Variants in ADK observed in about 807,000 individuals in gnomAD.
ADK encodes the protein N6,N6-dimethyladenosine kinase.
A neutral mutation model predicts 44.7 loss-of-function variants in ADK; 24 were observed. That is an observed-to-expected ratio of 0.54 (90% CI 0.39 to 0.76). ADK has a LOEUF of 0.76. Ranked by LOEUF, ADK falls within the 30% of genes least tolerant of loss-of-function variation. The pLI is 0.00. For missense variants in ADK, 321 were observed against 425.1 expected, an observed-to-expected ratio of 0.76 and a Z score of 2.15; for synonymous variants, 128 against 142.6, an observed-to-expected ratio of 0.90 and a Z score of 0.73.
chr10:74,529,310 G>A (rs1377045759), intron 7 of ADK: 1 of 152,072 alleles, frequency 6.6e-6, no homozygotes, highest in Non-Finnish European at 1.5e-5. Context: ...ATCTAGAATA[G>A]GCAAATTCAT....
At chr10:74,415,185 T>A (rs1434821621) in intron 6 of ADK, among the ~76,000 whole-genome samples, 1 of 152,196 alleles carries the variant, frequency 6.6e-6, no homozygotes, top group Admixed American at 6.5e-5. Context: ...AATAAGCATA[T>A]GTATAGCATT....
At position 74,567,024 on chromosome 10, in the gene ADK, G is replaced by C. The variant is rs1477802340; in HGVS notation, c.727-22258G>C. ...GAAAAGACTTTAGAAAGTGTTATTA[G>C]CCTCTCATTTTTTAAAAACAGTTTG... On this transcript the variant is annotated intron_variant, in intron 7 of 10. Transcript: ENST00000539909. Among the ~76,000 whole-genome samples the C allele has an allele frequency of 4.6e-5, 7 of 152,232 alleles. No individual in the cohort carries two copies. In the East Asian group the frequency reaches 1.4e-3, roughly 29 times the overall value.
chr10:74,649,088 G>A (rs1262376579), intron 9 of ADK, among the ~76,000 whole-genome samples: 3 of 152,004 alleles, frequency 2.0e-5, no homozygotes, highest in Non-Finnish European at 4.4e-5. Flanking sequence ...GGCTGAGGCA[G>A]GAGAATCACT....
At chr10:74,299,419 G>T (rs776040518) in intron 3 of ADK, among the ~76,000 whole-genome samples, 51 of 148,242 alleles carry the variant, frequency 3.4e-4, no homozygotes, top group Non-Finnish European at 5.3e-4. Flanking sequence ...AGAACTGCTC[G>T]AACCTGGGAG....
In ADK at chr10:74,170,673, A is replaced by G. The variant is rs1453033498; in HGVS notation, c.65+19330A>G. On this transcript the variant is annotated intron_variant, in intron 1 of 10. Coordinates refer to ENST00000539909, the MANE Select transcript of ADK (RefSeq NM_006721.4). ...AAATTTGCCGGGCGTGGTGGCGGGC[A>G]CCTGTAGTCCCAGCTACTCGGGAGG... is the stretch of plus-strand genomic sequence containing the variant. Among the ~76,000 whole-genome samples, 4 of 151,492 alleles carry G rather than the reference A, an allele frequency of 2.6e-5. No homozygotes were observed. In the East Asian group the frequency reaches 7.8e-4, roughly 29 times the overall value.
intron 3 of ADK, among the ~76,000 whole-genome samples, chr10:74,303,596 T>TG (rs1840147851): frequency 7.6e-6 from 1 of 132,300 alleles, no homozygotes; most frequent in East Asian, 2.2e-4. Flanking sequence ...TTGTTTTTTT[T>TG]TTTTTTTTTT....
intron 4 of ADK, among the ~76,000 whole-genome samples, chr10:74,364,827 T>C (rs1469417385): frequency 6.6e-6 from 1 of 152,060 alleles, no homozygotes; most frequent in African/African-American, 2.4e-5. Context: ...TTCTCTTTTA[T>C]CTTCCTGGGA....
At chr10:74,442,846 A>G (rs571743462) in intron 6 of ADK, among the ~76,000 whole-genome samples, 3 of 152,268 alleles carry the variant, frequency 2.0e-5, no homozygotes, top group East Asian at 3.9e-4. Context: ...AAAGAAGGAA[A>G]TCCTGCCATT....
At chr10:74,590,880 C>T (rs1308552540) in intron 8 of ADK, among the ~76,000 whole-genome samples, 2 of 151,880 alleles carry the variant, frequency 1.3e-5, no homozygotes, top group Non-Finnish European at 2.9e-5. Flanking sequence ...TTTAATATTA[C>T]AAAAATTATA....
chr10:74,391,650 TATACACAC>T (rs747025740), intron 4 of ADK, among the ~76,000 whole-genome samples: 3,219 of 134,548 alleles, frequency 0.024, 40 homozygotes, highest in Middle Eastern at 0.03. Context: ...GAGGCAAGAA[TATACACAC>T]ACACACACAC....
intron 1 of ADK, among the ~76,000 whole-genome samples, chr10:74,162,166 G>T (rs1019408707): frequency 6.6e-6 from 1 of 151,756 alleles, no homozygotes; most frequent in Non-Finnish European, 1.5e-5. Context: ...GGTTACAGGT[G>T]CCCGCCACCA....
intron 4 of ADK, among the ~76,000 whole-genome samples, chr10:74,388,307 T>C (rs1398004951): frequency 1.3e-5 from 2 of 152,226 alleles, no homozygotes; most frequent in African/African-American, 4.8e-5. Context: ...AGTGTTAGTT[T>C]TTCTCACACC....
At chr10:74,315,753 A>G (rs908966935) in intron 4 of ADK, among the ~76,000 whole-genome samples, 2 of 152,248 alleles carry the variant, frequency 1.3e-5, no homozygotes, top group Admixed American at 1.3e-4. Context: ...TGATTGAGAC[A>G]TATAGTATGA....
At chr10:74,210,524 T>G (rs1274831472) in intron 2 of ADK, among the ~76,000 whole-genome samples, 1 of 152,030 alleles carries the variant, frequency 6.6e-6, no homozygotes, top group Non-Finnish European at 1.5e-5. Context: ...GCTGTGGTGG[T>G]GCTTGCCTGT....
intron 6 of ADK, among the ~76,000 whole-genome samples, chr10:74,493,337 C>A (rs1383706988): frequency 6.7e-6 from 1 of 150,262 alleles, no homozygotes; most frequent in Non-Finnish European, 1.5e-5. Flanking sequence ...TGTGCACCAA[C>A]ACACCCAGCA....
chr10:74,151,248 T>A lies in ADK; in HGVS notation c.-31T>A. 6.5e-7 allele frequency: 1 copy of A among 1,549,228 alleles called. No homozygotes were observed. The highest frequency in any genetic ancestry group is 8.7e-7 in the Non-Finnish European group (1 of 1,146,698). On this transcript the variant is annotated 5_prime_UTR_variant, in exon 1 of 11. Coordinates refer to ENST00000539909, the MANE Select transcript of ADK (RefSeq NM_006721.4). Reference sequence around the variant, plus strand: ...CAGAGAGTGGATGGCAGAGGTGGGCTGTAGAGCCAAAGTGGGGTGGGAGCG... The same window carrying A: ...CAGAGAGTGGATGGCAGAGGTGGGCAGTAGAGCCAAAGTGGGGTGGGAGCG...
intron 2 of ADK, among the ~76,000 whole-genome samples, chr10:74,213,014 G>A (rs1192881620): frequency 6.6e-6 from 1 of 152,134 alleles, no homozygotes; most frequent in Non-Finnish European, 1.5e-5. Context: ...ATTGAATTGA[G>A]TTTTGTTCAA....
intron 1 of ADK, among the ~76,000 whole-genome samples, chr10:74,170,544 A>G (rs1459793841): frequency 6.6e-6 from 1 of 152,138 alleles, no homozygotes; most frequent in Non-Finnish European, 1.5e-5. Context: ...CACGCCTGTA[A>G]TCCTAGCACT....
chr10:74,444,132 AC>A (rs1183720862), intron 6 of ADK, among the ~76,000 whole-genome samples: 2 of 152,132 alleles, frequency 1.3e-5, no homozygotes, highest in Admixed American at 1.3e-4. Context: ...CATCAGTCAG[AC>A]CATCCACTAT....
Sources: allele counts gnomAD v4.1 joint callset (sites outside exome capture counted in the v4.1 genomes callset), GRCh38; gene constraint gnomAD v4.1.1; transcripts MANE v1.5; gene names NCBI Gene and HGNC (gene_info 2026-07-23, HGNC 2026-07-21).